Variants in DAP observed in about 807,000 individuals in gnomAD.
DAP encodes death associated protein.
DAP carries 8 observed loss-of-function variants against 13.8 expected under a neutral mutation model. The observed-to-expected ratio is 0.58, with a 90% CI of 0.34 to 1.05. DAP has a LOEUF of 1.05. Among genes scored for constraint, DAP ranks in the 50% least tolerant of loss-of-function variants. The pLI is 0.03. For missense variants in DAP, 106 were observed against 133.2 expected (o/e 0.80, Z 1.01); for synonymous variants, 47 against 47.5 (o/e 0.99, Z 0.04).
chr5:10,751,635 T>C (rs1740049585), intron 1 of DAP, among the ~76,000 whole-genome samples: 1 of 152,204 alleles, frequency 6.6e-6, no homozygotes. Flanking sequence ...TACCCTTAAA[T>C]TGTAATTGTA....
At chr5:10,717,756 A>G (rs1024833210) in intron 2 of DAP, among the ~76,000 whole-genome samples, 1 of 152,230 alleles carries the variant, frequency 6.6e-6, no homozygotes, top group African/African-American at 2.4e-5. Context: ...AGCTACGACA[A>G]TGAACGGCAG....
At chr5:10,684,324 A>C (rs1322919701) in intron 2 of DAP, among the ~76,000 whole-genome samples, 1 of 152,196 alleles carries the variant, frequency 6.6e-6, no homozygotes, top group Admixed American at 6.5e-5. Context: ...TTCTAGAGCC[A>C]ACACAAACCT....
chr5:10,758,253 T>TTTA (rs1200700468), intron 1 of DAP, among the ~76,000 whole-genome samples: 1 of 151,254 alleles, frequency 6.6e-6, no homozygotes, highest in African/African-American at 2.4e-5. Flanking sequence ...AGCTGCCTAC[T>TTTA]CTCTGGCAAT....
At chr5:10,744,523 A>T (rs760659562) in intron 2 of DAP, among the ~76,000 whole-genome samples, 4 of 152,210 alleles carry the variant, frequency 2.6e-5, no homozygotes, top group Non-Finnish European at 5.9e-5. Context: ...AGACAAGGTT[A>T]TGGGCAACCC....
chr5:10,725,726 G>T (rs1739272987), intron 2 of DAP, among the ~76,000 whole-genome samples: 1 of 152,228 alleles, frequency 6.6e-6, no homozygotes, highest in Admixed American at 6.5e-5. Flanking sequence ...AACTCTTTGG[G>T]AAAAGGTGAC....
At chr5:10,697,757 A>ACTTTACTAATCAGT (rs1738470459) in intron 2 of DAP, among the ~76,000 whole-genome samples, 1 of 152,238 alleles carries the variant, frequency 6.6e-6, no homozygotes, top group Admixed American at 6.5e-5. Context: ...AATCCAATAC[A>ACTTTACTAATCAGT]GACACCAAAA....
rs550518355 is a variant in DAP, at chr5:10,748,164, C to G, written c.152+11G>C. Reference sequence around the variant, plus strand: ...GGAAAACATGCTCAAGAGTCGCTAGCATCATCCCACCTGGGGCTTTCCCAT... The same window carrying G: ...GGAAAACATGCTCAAGAGTCGCTAGGATCATCCCACCTGGGGCTTTCCCAT... On this transcript the variant is annotated intron_variant, in intron 2 of 3. Transcript: ENST00000230895. The G allele has an allele frequency of 1.3e-6, 2 of 1,586,646 alleles. No individual in the cohort carries two copies. The highest frequency in any genetic ancestry group is 2.2e-5 in the South Asian group (2 of 90,538).
In DAP at chr5:10,748,263, C is replaced by T; in HGVS notation, c.64G>A (p.Gly22Ser). ...TGTTTCTGCACAATTCGCATTCCAC[C>T]AGCTTTCACTGAAATGAAAACAGAG... ...KAGHPPAVKAGGMRIVQKHPH... is the reference protein window; with the variant it reads ...KAGHPPAVKASGMRIVQKHPH... The change falls in exon 2 of 4, where the codon GGT (glycine) becomes AGT (serine). Residue 22 changes from glycine (G) to serine (S), a missense_variant. By Grantham distance (56) the Gly-to-Ser change is moderately conservative. Coordinates refer to ENST00000230895, the MANE Select transcript of DAP (RefSeq NM_004394.3). 1 of 1,613,688 alleles carries T rather than the reference C, an allele frequency of 6.2e-7. No homozygotes were observed. The highest frequency in any genetic ancestry group is 8.5e-7 in the Non-Finnish European group (1 of 1,179,626).
chr5:10,730,681 G>A (rs1739432477), intron 2 of DAP, among the ~76,000 whole-genome samples: 1 of 142,482 alleles, frequency 7.0e-6, no homozygotes, highest in Non-Finnish European at 1.5e-5. Context: ...CCTGGTGGGG[G>A]GGAATCTTTC....
At chr5:10,701,396 A>G (rs1176807980) in intron 2 of DAP, among the ~76,000 whole-genome samples, 1 of 152,228 alleles carries the variant, frequency 6.6e-6, no homozygotes, top group Non-Finnish European at 1.5e-5. Flanking sequence ...ATTTGCCTCA[A>G]TAAGGAACCA....
intron 2 of DAP, among the ~76,000 whole-genome samples, chr5:10,711,465 C>T (rs928680216): frequency 6.6e-6 from 1 of 152,260 alleles, no homozygotes. Flanking sequence ...CAGGATTCTC[C>T]TAATGACTGC....
intron 2 of DAP, among the ~76,000 whole-genome samples, chr5:10,692,547 TGAA>T (rs1738332533): frequency 6.6e-6 from 1 of 152,184 alleles, no homozygotes; most frequent in Non-Finnish European, 1.5e-5. Context: ...CTTTGGTATT[TGAA>T]GAAGGCTACC....
At chr5:10,709,225 T>C (rs1738778022) in intron 2 of DAP, among the ~76,000 whole-genome samples, 1 of 152,242 alleles carries the variant, frequency 6.6e-6, no homozygotes, top group South Asian at 2.1e-4. Flanking sequence ...CTGTATGAGG[T>C]ATGCATTATA....
chr5:10,711,234 G>A (rs551069255), intron 2 of DAP, among the ~76,000 whole-genome samples: 1 of 152,346 alleles, frequency 6.6e-6, no homozygotes, highest in South Asian at 2.1e-4. Flanking sequence ...GCAGGGCCAA[G>A]AGCAGCGCAT....
chr5:10,722,576 A>ACATG (rs1491554153), intron 2 of DAP, among the ~76,000 whole-genome samples: 1 of 144,846 alleles, frequency 6.9e-6, no homozygotes, highest in Non-Finnish European at 1.5e-5. Context: ...ATACATACAT[A>ACATG]CATATATATA....
chr5:10,723,569 A>G (rs1431998348), intron 2 of DAP, among the ~76,000 whole-genome samples: 1 of 152,276 alleles, frequency 6.6e-6, no homozygotes, highest in African/African-American at 2.4e-5. Context: ...GGCACATAAG[A>G]AACAATCATT....
chr5:10,704,131 T>C (rs946995585), intron 2 of DAP, among the ~76,000 whole-genome samples: 3 of 152,208 alleles, frequency 2.0e-5, no homozygotes, highest in Admixed American at 1.3e-4. Flanking sequence ...CCTGGAGCCC[T>C]TGGGGCTACA....
intron 2 of DAP, among the ~76,000 whole-genome samples, chr5:10,689,871 G>T (rs543959763): frequency 5.5e-4 from 84 of 152,296 alleles, no homozygotes; most frequent in Middle Eastern, 3.4e-3. Context: ...GAGGAGCAGG[G>T]ACAGGGAATG....
At chr5:10,725,927 A>G (rs1397868986) in intron 2 of DAP, among the ~76,000 whole-genome samples, 1 of 152,256 alleles carries the variant, frequency 6.6e-6, no homozygotes, top group Non-Finnish European at 1.5e-5. Flanking sequence ...TAATAAGACT[A>G]AGTATGTAAA....
Sources: allele counts gnomAD v4.1 joint callset (sites outside exome capture counted in the v4.1 genomes callset), GRCh38; gene constraint gnomAD v4.1.1; transcripts MANE v1.5; gene names NCBI Gene and HGNC (gene_info 2026-07-23, HGNC 2026-07-21).